Variants in SOHLH2 observed in about 807,000 individuals in gnomAD.
SOHLH2 encodes the protein spermatogenesis- and oogenesis-specific basic helix-loop-helix-containing protein 2.
SOHLH2 carries 22 observed loss-of-function variants against 50.4 expected under a neutral mutation model. The ratio of observed to expected loss-of-function variants is 0.44; its 90% CI spans 0.31 to 0.62. SOHLH2 has a LOEUF of 0.62. Ranked by LOEUF, SOHLH2 falls within the 20% of genes least tolerant of loss-of-function variation. The pLI, the probability that SOHLH2 is intolerant of heterozygous loss-of-function variation, is 0.08. For synonymous variants in SOHLH2, 185 were observed against 187.3 expected (o/e 0.99, Z 0.10); for missense variants, 412 against 504.4 (o/e 0.82, Z 1.76).
At position 36,171,672 on chromosome 13, in the gene SOHLH2, A is replaced by G. The variant is rs117673424; in HGVS notation, c.1001-885T>C. Among the ~76,000 whole-genome samples, 1,412 of 152,348 alleles carry G rather than the reference A, an allele frequency of 9.3e-3. 6 individuals carry two copies. The highest frequency in any genetic ancestry group is 0.016 in the Non-Finnish European group (1,115 of 68,028). ...AATCCAGTCCAAGGAAAAGTCCAAA[A>G]TACAGAAAACTTCATATATGGGAAA... On this transcript the variant is annotated intron_variant, in intron 9 of 10. Transcript: ENST00000379881.
chr13:36,202,376 T>TC (rs1210397203), intron 1 of SOHLH2, among the ~76,000 whole-genome samples: 6 of 152,218 alleles, frequency 3.9e-5, no homozygotes, highest in African/African-American at 1.4e-4. Context: ...AATTTCTCTC[T>TC]CATCCTATTA....
chr13:36,181,950 T>G, intron 6 of SOHLH2: 1 of 763,954 alleles, frequency 1.3e-6, no homozygotes, highest in Non-Finnish European at 1.6e-6. Context: ...GATGGAAATA[T>G]GATTTGCACA....
chr13:36,202,189 A>T, intron 1 of SOHLH2, 96 bp from the exon 2 acceptor site: 1 of 1,450,930 alleles, frequency 6.9e-7, no homozygotes, highest in South Asian at 1.3e-5. Flanking sequence ...GCTCACAAAT[A>T]ACACAACAAT....
chr13:36,196,461 A>C (rs74848368), intron 2 of SOHLH2, among the ~76,000 whole-genome samples: 4,900 of 152,206 alleles, frequency 0.032, 112 homozygotes, highest in Non-Finnish European at 0.049. Flanking sequence ...GAAAGTGTGG[A>C]TTATAACGGA....
intron 6 of SOHLH2, among the ~76,000 whole-genome samples, chr13:36,180,964 G>A (rs910000958): frequency 6.6e-5 from 10 of 152,120 alleles, no homozygotes; most frequent in Non-Finnish European, 1.3e-4. Flanking sequence ...GCTGAGAGAG[G>A]AGTGTTAAAT....
chr13:36,193,436 G>A (rs755749854), intron 4 of SOHLH2, among the ~76,000 whole-genome samples, 185 bp downstream of exon 4: 5 of 152,206 alleles, frequency 3.3e-5, no homozygotes, highest in Admixed American at 6.5e-5. Context: ...TGTGCCTACC[G>A]CAGCACTGTA....
chr13:36,203,485 GA>G (rs1166899240), intron 1 of SOHLH2, among the ~76,000 whole-genome samples: 1 of 152,146 alleles, frequency 6.6e-6, no homozygotes, highest in African/African-American at 2.4e-5. Flanking sequence ...GTTGGGTTTT[GA>G]TGTTATTACG....
In SOHLH2 at chr13:36,191,252, A is replaced by T. The variant is rs1341075406; in HGVS notation, c.530+543T>A. On this transcript the variant is annotated intron_variant, in intron 5 of 10. Coordinates refer to ENST00000379881, the MANE Select transcript of SOHLH2 (RefSeq NM_017826.3). Reference sequence around the variant, plus strand: ...GAAACACAAGGAGACACAGAGACACACACTAAAACTTGCCTTGTATACCAA... The same window carrying T: ...GAAACACAAGGAGACACAGAGACACTCACTAAAACTTGCCTTGTATACCAA... 2.0e-5 allele frequency among the ~76,000 whole-genome samples: 3 copies of T among 152,212 alleles called. No individual in the cohort carries two copies. In the East Asian group the frequency reaches 5.8e-4, roughly 29 times the overall value.
chr13:36,171,053 G>A (rs1441495539), intron 9 of SOHLH2, among the ~76,000 whole-genome samples: 1 of 152,174 alleles, frequency 6.6e-6, no homozygotes, highest in Non-Finnish European at 1.5e-5. Flanking sequence ...TGATGTATGT[G>A]AATGTGCACG....
chr13:36,192,061 A>C (rs976068882), intron 4 of SOHLH2, among the ~76,000 whole-genome samples, 167 bp from the exon 5 acceptor site: 6 of 152,220 alleles, frequency 3.9e-5, no homozygotes, highest in African/African-American at 1.2e-4. Context: ...GTGAAATATA[A>C]AACCACCTAG....
At chr13:36,206,925 G>A (rs190300161) in intron 1 of SOHLH2, among the ~76,000 whole-genome samples, 1 of 151,338 alleles carries the variant, frequency 6.6e-6, no homozygotes, top group East Asian at 1.9e-4. Context: ...TATGTTATTA[G>A]TGTATATATA....
chr13:36,194,563 G>A (rs899875369), intron 2 of SOHLH2, among the ~76,000 whole-genome samples: 4 of 151,944 alleles, frequency 2.6e-5, no homozygotes, highest in African/African-American at 9.7e-5. Flanking sequence ...CTACATTATG[G>A]GTGTATTATT....
intron 1 of SOHLH2, among the ~76,000 whole-genome samples, chr13:36,213,860 C>T (rs1455741700): frequency 6.6e-6 from 1 of 151,998 alleles, no homozygotes; most frequent in South Asian, 2.1e-4. Context: ...TGTGCAGAGA[C>T]GGGAATGCAG....
chr13:36,168,796 G>A lies in SOHLH2; in HGVS notation c.*238C>T. On this transcript the variant is annotated 3_prime_UTR_variant, in exon 11 of 11. Coordinates refer to ENST00000379881, the MANE Select transcript of SOHLH2 (RefSeq NM_017826.3). The stretch of plus-strand genomic sequence containing the variant: ...AGGCCATTTGTTCTTGTAGCTCTCT[G>A]GCTGGCGGGGATCCAAGTGTGTATG... 1 of 510,872 alleles carries A rather than the reference G, an allele frequency of 2.0e-6. No homozygotes were observed. Among genetic ancestry groups the A allele is most frequent in the Non-Finnish European group, 3.2e-6 (1 of 308,648 alleles). 31.6% of individuals were successfully genotyped at this position (510,872 alleles called of 1,614,324 possible).
Position 36,187,821 on chromosome 13 carries a change from C to T in SOHLH2, c.641+2125G>A, listed in dbSNP as rs574591347. 2.5e-4 allele frequency among the ~76,000 whole-genome samples: 38 copies of T among 152,298 alleles called. No individual in the cohort carries two copies. In the South Asian group the frequency reaches 5.8e-3, roughly 23 times the overall value. On this transcript the variant is annotated intron_variant, in intron 6 of 10. Transcript: ENST00000379881. ...GGGATGCTCACTCCATCACCAACAC[C>T]TCCTCATCAGCTGCGGGGGATTAAA...
intron 1 of SOHLH2, among the ~76,000 whole-genome samples, chr13:36,205,379 A>C (rs1343360131): frequency 6.6e-6 from 1 of 152,178 alleles, no homozygotes; most frequent in Admixed American, 6.5e-5. Context: ...TTTACTACTA[A>C]ATATGATACT....
intron 10 of SOHLH2, 98 bp downstream of exon 10, chr13:36,170,433 G>A: frequency 6.1e-6 from 9 of 1,475,928 alleles, no homozygotes; most frequent in Non-Finnish European, 8.1e-6. Flanking sequence ...TTAGGTCCCA[G>A]CCTTCCAACC....
chr13:36,204,253 T>C (rs2138323820), intron 1 of SOHLH2, among the ~76,000 whole-genome samples: 1 of 152,118 alleles, frequency 6.6e-6, no homozygotes, highest in African/African-American at 2.4e-5. Context: ...GCCCAGCCCT[T>C]TAATTCTGAT....
At chr13:36,194,294 A>T (rs1241726573) in intron 2 of SOHLH2, among the ~76,000 whole-genome samples, 2 of 148,596 alleles carry the variant, frequency 1.3e-5, no homozygotes, top group African/African-American at 2.6e-5. Flanking sequence ...CTCACAGTTT[A>T]AAAAAAATCA....
Sources: allele counts gnomAD v4.1 joint callset (sites outside exome capture counted in the v4.1 genomes callset), GRCh38; gene constraint gnomAD v4.1.1; transcripts MANE v1.5; gene names NCBI Gene and HGNC (gene_info 2026-07-23, HGNC 2026-07-21).